Variants in TGIF2 observed in about 807,000 individuals in gnomAD.
The protein encoded by TGIF2 is TGFB induced factor homeobox 2, also known as homeobox protein TGIF2.
A neutral mutation model predicts 15.1 loss-of-function variants in TGIF2; 5 were observed. The observed-to-expected ratio is 0.33, with a 90% confidence interval of 0.17 to 0.70. The LOEUF is 0.70. TGIF2 is among the 30% of genes least tolerant of loss of function. The pLI is 0.67. For missense variants in TGIF2, 264 were observed against 302.5 expected, an observed-to-expected ratio of 0.87 and a Z score of 0.94; for synonymous variants, 131 against 128.9, an observed-to-expected ratio of 1.02 and a Z score of -0.11.
In TGIF2 at chr20:36,578,890, T is replaced by C; in HGVS notation, c.116T>C (p.Leu39Ser). The stretch of plus-strand genomic sequence containing the variant: ...AAGATCCTCCGGGACTGGCTGTACT[T>C]GCACCGCTACAACGCCTACCCCTCA... Reference protein sequence around the residue: ...SVKILRDWLYLHRYNAYPSEQ... With the variant: ...SVKILRDWLYSHRYNAYPSEQ... The change falls in exon 2 of 3, where the codon TTG becomes TCG. Residue 39 changes from leucine (L) to serine (S), a missense_variant. By Grantham distance (145) the Leu-to-Ser change is moderately radical. Coordinates refer to ENST00000373872, the MANE Select transcript of TGIF2 (RefSeq NM_021809.7). 1 of 1,614,142 alleles carries C rather than the reference T, an allele frequency of 6.2e-7. No individual in the cohort carries two copies. The highest frequency in any genetic ancestry group is 8.5e-7 in the Non-Finnish European group (1 of 1,180,022).
intron 1 of TGIF2, among the ~76,000 whole-genome samples, chr20:36,575,242 G>C (rs1298697603): frequency 6.6e-6 from 1 of 151,938 alleles, no homozygotes; most frequent in Non-Finnish European, 1.5e-5. Context: ...AGCGCTGTTG[G>C]TTAATTGCCT....
In TGIF2 at chr20:36,591,000, C is replaced by T. The variant is rs747234299; in HGVS notation, c.283C>T (p.Arg95Cys). 3.1e-6 allele frequency: 5 copies of T among 1,589,642 alleles called. No homozygotes were observed. The highest frequency in any genetic ancestry group is 3.5e-5 in the Admixed American group (2 of 57,814). ...AGACCCTAATCAGTTTACCATTTCCCGCCGCGGGGGTAAGGCCTCAGATGT... is the reference window on the plus strand; with the variant it reads ...AGACCCTAATCAGTTTACCATTTCCTGCCGCGGGGGTAAGGCCTCAGATGT... ...GKDPNQFTIS[R>C]RGGKASDVAL... Residue 95 changes from arginine (R) to cysteine (C), a missense_variant, in exon 3 of 3, where the codon CGC (arginine) becomes TGC (cysteine). Arg to Cys is a radical substitution (Grantham distance 180). Transcript: ENST00000373872.
In TGIF2 at chr20:36,578,974, G is replaced by T. The variant is rs745904185; in HGVS notation, c.192+8G>T. ...AACCTGTCAGTGCTGCAAGTAAGGA[G>T]GGGATCTGGATAAGGGGGTGGCAGG... On this transcript the variant is annotated splice_region_variant and intron_variant, in intron 2 of 2. Coordinates refer to ENST00000373872, the MANE Select transcript of TGIF2 (RefSeq NM_021809.7). The T allele has an allele frequency of 6.2e-7, 1 of 1,613,140 alleles. No homozygotes were observed. Among genetic ancestry groups the T allele is most frequent in the South Asian group, 1.1e-5 (1 of 91,010 alleles).
intron 1 of TGIF2, among the ~76,000 whole-genome samples, chr20:36,575,201 G>C (rs2038401572): frequency 6.6e-6 from 1 of 152,016 alleles, no homozygotes; most frequent in Non-Finnish European, 1.5e-5. Flanking sequence ...GGTTTGTAAG[G>C]CTTGAGCGAT....
chr20:36,591,115 C>T lies in TGIF2; in HGVS notation c.398C>T (p.Pro133Leu), dbSNP rs150460801. 26 of 1,610,836 alleles carry T rather than the reference C, an allele frequency of 1.6e-5. No homozygotes were observed. The highest frequency in any genetic ancestry group is 2.1e-5 in the Non-Finnish European group (25 of 1,177,642). Residue 133 changes from proline (P) to leucine (L), a missense_variant, in exon 3 of 3, where the codon CCG becomes CTG. By Grantham distance (98) the Pro-to-Leu change is moderately conservative. Coordinates refer to ENST00000373872, the MANE Select transcript of TGIF2 (RefSeq NM_021809.7). The surrounding 1 kb of genome is among the most constrained non-coding windows in gnomAD (Gnocchi z 5.3). ...NVLSLSVCSM[P>L]LHSGQGEKPA... Reference sequence around the variant, plus strand: ...CTCTCCCTGTCTGTGTGCTCCATGCCGCTTCACTCAGGCCAGGGGGAAAAG... The same window carrying T: ...CTCTCCCTGTCTGTGTGCTCCATGCTGCTTCACTCAGGCCAGGGGGAAAAG...
intron 2 of TGIF2, among the ~76,000 whole-genome samples, chr20:36,580,234 G>T (rs1432557337): frequency 2.0e-5 from 3 of 152,064 alleles, no homozygotes; most frequent in Non-Finnish European, 4.4e-5. Context: ...CGTCTTCCTA[G>T]CTCCTATCTT....
intron 2 of TGIF2, 51 bp downstream of exon 2, chr20:36,579,017 C>A: frequency 6.3e-7 from 1 of 1,576,256 alleles, no homozygotes; most frequent in Non-Finnish European, 8.6e-7. Flanking sequence ...GGGTTCTAGT[C>A]CTATTCCAGC....
rs1173852415 is a variant in TGIF2 at position 36,592,536 on chromosome 20, G to A, written c.*1105G>A. On this transcript the variant is annotated 3_prime_UTR_variant, in exon 3 of 3. Transcript: ENST00000373872. ...CACCTCCTACTTGGGAGAAAAGTGAGCCATCTGCTGGTCAGGAAGTCCTCC... is the reference window on the plus strand; with the variant it reads ...CACCTCCTACTTGGGAGAAAAGTGAACCATCTGCTGGTCAGGAAGTCCTCC... 6.6e-6 allele frequency: 1 copy of A among 152,590 alleles called. No homozygotes were observed. Among genetic ancestry groups the A allele is most frequent in the Non-Finnish European group, 1.5e-5 (1 of 68,054 alleles). 9.5% of individuals were successfully genotyped at this position (152,590 alleles called of 1,614,324 possible). A position where few individuals can be genotyped will look rare whatever the true frequency, so the allele number is the denominator to read the frequency against.
chr20:36,574,448 G>A (rs958898261), intron 1 of TGIF2: 1 of 148,724 alleles, frequency 6.7e-6, no homozygotes, highest in African/African-American at 2.4e-5. Flanking sequence ...CTGGGGGGGG[G>A]GGGGCGGCGC....
intron 2 of TGIF2, among the ~76,000 whole-genome samples, chr20:36,589,751 C>T (rs1455487064): frequency 6.6e-6 from 1 of 152,030 alleles, no homozygotes; most frequent in Non-Finnish European, 1.5e-5. Flanking sequence ...TACAGTGGCA[C>T]AGTCACAGCT....
chr20:36,585,045 C>T (rs761285682), intron 2 of TGIF2, among the ~76,000 whole-genome samples: 2 of 151,848 alleles, frequency 1.3e-5, no homozygotes. Flanking sequence ...AAAAAATAGA[C>T]AATTAGCTGG....
Position 36,592,830 on chromosome 20 carries a change from G to GT in TGIF2, c.*1406dup, listed in dbSNP as rs1368949094. 3.8e-5 allele frequency: 6 copies of GT among 157,398 alleles called. No homozygotes were observed. Among genetic ancestry groups the GT allele is most frequent in the East Asian group, 1.9e-4 (1 of 5,398 alleles). The allele number at this position is 157,398 out of a possible 1,614,324, so 9.8% of individuals were successfully genotyped here. A position where few individuals can be genotyped will look rare whatever the true frequency, so the allele number is the denominator to read the frequency against. ...TTTTTTGTTTTTTGTTTGTTTGTTT[G>GT]TTTTTTTGAGACAGAGTCATGCTCT... On this transcript the variant is annotated 3_prime_UTR_variant, in exon 3 of 3. Coordinates refer to ENST00000373872, the MANE Select transcript of TGIF2 (RefSeq NM_021809.7).
chr20:36,579,329 G>A (rs373459545), intron 2 of TGIF2, among the ~76,000 whole-genome samples: 1 of 152,050 alleles, frequency 6.6e-6, no homozygotes, highest in East Asian at 1.9e-4. Flanking sequence ...CCGCCACCAC[G>A]CCCAGCTAAT....
At chr20:36,588,991 T>C (rs1388148147) in intron 2 of TGIF2, among the ~76,000 whole-genome samples, 3 of 152,136 alleles carry the variant, frequency 2.0e-5, no homozygotes, top group Non-Finnish European at 1.5e-5. Context: ...TTCAGTTGCA[T>C]TGGAGGACCA....
intron 1 of TGIF2, among the ~76,000 whole-genome samples, chr20:36,575,183 A>ATGT (rs1414742946): frequency 4.2e-4 from 64 of 151,652 alleles, no homozygotes; most frequent in African/African-American, 1.6e-3. Flanking sequence ...CGTCGGTGAA[A>ATGT]ACCCTAGGGT....
intron 1 of TGIF2, among the ~76,000 whole-genome samples, chr20:36,576,469 C>A (rs2038431075): frequency 6.6e-6 from 1 of 152,034 alleles, no homozygotes; most frequent in African/African-American, 2.4e-5. Flanking sequence ...CTGTAGTTTC[C>A]AGAGTTCTCA....
chr20:36,573,572 G>T (rs1352122881), upstream of TGIF2: 2 of 151,678 alleles, frequency 1.3e-5, no homozygotes, highest in African/African-American at 2.4e-5. Flanking sequence ...AGAGGGCGCG[G>T]GGGGAGGAGA....
chr20:36,577,051 C>T (rs935185634), intron 1 of TGIF2, among the ~76,000 whole-genome samples: 8 of 151,888 alleles, frequency 5.3e-5, no homozygotes, highest in South Asian at 2.1e-4. Context: ...TTAATTATGT[C>T]GTCCAGGTTG....
At chr20:36,588,407 G>A (rs1286859522) in intron 2 of TGIF2, among the ~76,000 whole-genome samples, 1 of 117,910 alleles carries the variant, frequency 8.5e-6, no homozygotes, top group African/African-American at 3.3e-5. Flanking sequence ...GCTTTGTCGC[G>A]CAGGCTGGAG....
Sources: allele counts gnomAD v4.1 joint callset (sites outside exome capture counted in the v4.1 genomes callset), GRCh38; gene constraint gnomAD v4.1.1; non-coding constraint Gnocchi (gnomAD v3.1); transcripts MANE v1.5; gene names NCBI Gene and HGNC (gene_info 2026-07-23, HGNC 2026-07-21).